CYB5A: variants seen among roughly 807,000 people sequenced by gnomAD.
CYB5A encodes cytochrome b5 type A.
In CYB5A, 10 loss-of-function variants were observed where a neutral mutation model predicts 16.2. The ratio of observed to expected loss-of-function variants is 0.62; its 90% CI spans 0.38 to 1.04. CYB5A has a LOEUF of 1.04. Among genes scored for constraint, CYB5A ranks in the 50% least tolerant of loss-of-function variants. CYB5A has a pLI of 0.01. For synonymous variants in CYB5A, 62 were observed against 57.0 expected, an observed-to-expected ratio of 1.09 and a Z score of -0.40; for missense variants, 161 against 165.9, an observed-to-expected ratio of 0.97 and a Z score of 0.16.
chr18:74,275,003 G>A (rs367691701), intron 1 of CYB5A, among the ~76,000 whole-genome samples: 7 of 152,148 alleles, frequency 4.6e-5, no homozygotes, highest in African/African-American at 1.4e-4. Context: ...TTGCTGCTGG[G>A]ATCTCATCCT....
intron 1 of CYB5A, among the ~76,000 whole-genome samples, chr18:74,264,199 A>T (rs1238251101): frequency 5.8e-4 from 65 of 111,168 alleles, no homozygotes; most frequent in African/African-American, 2.0e-3. Context: ...CAACAAAGTG[A>T]GACTCTGTCT....
intron 1 of CYB5A, among the ~76,000 whole-genome samples, chr18:74,265,185 A>T (rs942196237): frequency 6.6e-6 from 1 of 152,182 alleles, no homozygotes; most frequent in Non-Finnish European, 1.5e-5. Context: ...TGGTCTAAAC[A>T]TACCTAGTGC....
At chr18:74,288,564 G>A (rs1004442227) in intron 1 of CYB5A, among the ~76,000 whole-genome samples, 3 of 152,228 alleles carry the variant, frequency 2.0e-5, no homozygotes, top group African/African-American at 7.2e-5. Context: ...GGCAAGCGGG[G>A]AAGAGAGACA....
At chr18:74,288,014 C>G (rs184335447) in intron 1 of CYB5A, among the ~76,000 whole-genome samples, 1 of 152,108 alleles carries the variant, frequency 6.6e-6, no homozygotes, top group Non-Finnish European at 1.5e-5. Context: ...AAAAAAAAAT[C>G]TAGTTCAAAA....
rs1388518413 is a variant in CYB5A, at chr18:74,255,730, C to T, written c.323+11G>A. On this transcript the variant is annotated intron_variant, in intron 4 of 4. Coordinates refer to ENST00000340533, the MANE Select transcript of CYB5A (RefSeq NM_148923.4). The stretch of plus-strand genomic sequence containing the variant: ...CACCCACTACTGCTTTAAAAGAAAG[C>T]TACCACATACCTGGAACTAGAATCA... 26 of 1,611,360 alleles carry T rather than the reference C, an allele frequency of 1.6e-5. No homozygotes were observed. Among genetic ancestry groups the T allele is most frequent in the Non-Finnish European group, 2.2e-5 (26 of 1,177,494 alleles).
chr18:74,291,745 ACCT>A lies in CYB5A; in HGVS notation c.128_129+1del. ...GCCCCAAGCCGCTCATCCCCAACTC[ACCT>A]CTTCCAGAAATTTGGTCAAATCGTA... is the stretch of plus-strand genomic sequence containing the variant. On this transcript the variant is annotated splice_donor_variant and coding_sequence_variant, in exon 1 of 5. Transcript: ENST00000340533. LOFTEE classifies it high-confidence loss of function. 1 of 1,613,568 alleles carries A rather than the reference ACCT, an allele frequency of 6.2e-7. No homozygotes were observed. The highest frequency in any genetic ancestry group is 1.1e-5 in the South Asian group (1 of 91,064).
intron 1 of CYB5A, among the ~76,000 whole-genome samples, chr18:74,284,252 A>AAAG (rs1555690735): frequency 0.023 from 3,319 of 147,088 alleles, 105 homozygotes; most frequent in Admixed American, 0.06. Flanking sequence ...AAAAAAAAAA[A>AAAG]AGAGAGATTA....
intron 2 of CYB5A, 105 bp downstream of exon 2, chr18:74,263,244 G>A: frequency 1.4e-6 from 2 of 1,443,352 alleles, no homozygotes; most frequent in Admixed American, 3.4e-5. Context: ...AGTTGTTTTT[G>A]CTTTACTCCT....
intron 1 of CYB5A, among the ~76,000 whole-genome samples, chr18:74,283,657 G>C (rs1027735521): frequency 6.6e-6 from 1 of 152,166 alleles, no homozygotes; most frequent in Non-Finnish European, 1.5e-5. Flanking sequence ...CAGTGATCAA[G>C]GTCTCCAGCA....
At chr18:74,272,391 C>T (rs1347762163) in intron 1 of CYB5A, among the ~76,000 whole-genome samples, 1 of 152,196 alleles carries the variant, frequency 6.6e-6, no homozygotes, top group Non-Finnish European at 1.5e-5. Flanking sequence ...GGTGTGCTCT[C>T]GTCATTGTTC....
chr18:74,272,748 C>T lies in CYB5A; in HGVS notation c.130-9271G>A, dbSNP rs1456936155. 2.6e-5 allele frequency among the ~76,000 whole-genome samples: 4 copies of T among 152,122 alleles called. No homozygotes were observed. The East Asian group carries it at 5.8e-4, about 22-fold the overall frequency. On this transcript the variant is annotated intron_variant, in intron 1 of 4. Transcript: ENST00000340533. ...AGCCTGGCCAACATGGTGAAACCCCCGTCTCTACTAAAAATACAAAAATAT... is the reference window on the plus strand; with the variant it reads ...AGCCTGGCCAACATGGTGAAACCCCTGTCTCTACTAAAAATACAAAAATAT...
rs140770769 is a variant in CYB5A, at chr18:74,254,523, C to CTTT, written c.324-861_324-859dup. Among the ~76,000 whole-genome samples the CTTT allele has an allele frequency of 4.2e-5, 6 of 144,170 alleles. No homozygotes were observed. In the South Asian group the frequency reaches 8.8e-4, roughly 21 times the overall value. 94.6% of individuals were successfully genotyped at this position (144,170 alleles called of 152,430 possible). On this transcript the variant is annotated intron_variant, in intron 4 of 4. Coordinates refer to ENST00000340533, the MANE Select transcript of CYB5A (RefSeq NM_148923.4). ...GATGAGCTATAATTTCTATTTGAATCTTTTTTTTTTTTTTGATACAGAGTC... is the reference window on the plus strand; with the variant it reads ...GATGAGCTATAATTTCTATTTGAATCTTTTTTTTTTTTTTTTTGATACAGAGTC...
At chr18:74,287,558 A>C (rs1983366948) in intron 1 of CYB5A, among the ~76,000 whole-genome samples, 1 of 152,228 alleles carries the variant, frequency 6.6e-6, no homozygotes, top group African/African-American at 2.4e-5. Flanking sequence ...AATAGCTTCT[A>C]TGAGGCAGAA....
At chr18:74,253,733 C>A in intron 4 of CYB5A, 68 bp from the exon 5 acceptor site, 1 of 1,063,490 alleles carries the variant, frequency 9.4e-7, no homozygotes. Flanking sequence ...ATCTTTGCTC[C>A]TTCTAACAGA....
chr18:74,267,112 C>T (rs1307985845), intron 1 of CYB5A, among the ~76,000 whole-genome samples: 1 of 152,018 alleles, frequency 6.6e-6, no homozygotes, highest in Non-Finnish European at 1.5e-5. Flanking sequence ...TGTCAATCTT[C>T]TCACTCTTGT....
intron 1 of CYB5A, among the ~76,000 whole-genome samples, chr18:74,278,142 C>A (rs192830084): frequency 6.6e-6 from 1 of 152,182 alleles, no homozygotes; most frequent in Non-Finnish European, 1.5e-5. Flanking sequence ...TTACTATCCC[C>A]ACTTTACAGA....
Position 74,291,922 on chromosome 18 carries a change from G to A in CYB5A, c.-47C>T, listed in dbSNP as rs201724841. ...CCCAGCACACACAGCCCCGTCGGGT[G>A]GAGCAGAGCGCGCGACTCAGCCAGC... On this transcript the variant is annotated 5_prime_UTR_variant, in exon 1 of 5. Coordinates refer to ENST00000340533, the MANE Select transcript of CYB5A (RefSeq NM_148923.4). The A allele has an allele frequency of 4.1e-4, 662 of 1,605,218 alleles. 1 individual carries two copies. Among genetic ancestry groups the A allele is most frequent in the Middle Eastern group, 5.8e-4 (3 of 5,202 alleles).
rs760133526 is a variant in CYB5A at position 74,251,852 on chromosome 18, T to C, written c.*1732A>G. ...TAAAAATGTCAAAGTTCAACTGTTA[T>C]GTTTCTTAACGATATACAGATGCTA... On this transcript the variant is annotated 3_prime_UTR_variant, in exon 5 of 5. Transcript: ENST00000340533. The C allele has an allele frequency of 2.1e-4, 32 of 152,244 alleles. No homozygotes were observed. Among genetic ancestry groups the C allele is most frequent in the African/African-American group, 7.5e-4 (31 of 41,464 alleles). 9.4% of individuals were successfully genotyped at this position (152,244 alleles called of 1,614,324 possible).
chr18:74,260,541 A>G (rs1982157624), intron 3 of CYB5A: 4 of 353,414 alleles, frequency 1.1e-5, no homozygotes, highest in Non-Finnish European at 2.2e-5. Flanking sequence ...ACACACCCTT[A>G]AAGATTTAAG....
Sources: allele counts gnomAD v4.1 joint callset (sites outside exome capture counted in the v4.1 genomes callset), GRCh38; gene constraint gnomAD v4.1.1; transcripts MANE v1.5; gene names NCBI Gene and HGNC (gene_info 2026-07-23, HGNC 2026-07-21).